ATL1: variants seen among roughly 807,000 people sequenced by gnomAD.
ATL1 encodes atlastin-1.
A neutral mutation model predicts 75.5 loss-of-function variants in ATL1; 31 were observed. That is an observed-to-expected ratio of 0.41 (90% CI 0.31 to 0.55). ATL1 has a LOEUF of 0.55. ATL1 is among the 20% of genes least tolerant of loss of function. The probability of loss-of-function intolerance (pLI) is 0.27; values close to 1 mark genes in which losing one functional copy is unlikely to be tolerated. For missense variants in ATL1, 405 were observed against 662.6 expected (o/e 0.61, Z 4.27); for synonymous variants, 226 against 233.3 (o/e 0.97, Z 0.28).
intron 3 of ATL1, among the ~76,000 whole-genome samples, 165 bp from the exon 4 acceptor site, chr14:50,591,370 C>T (rs553426509): frequency 6.6e-6 from 1 of 152,176 alleles, no homozygotes; most frequent in Non-Finnish European, 1.5e-5. Context: ...TAGTAATCAG[C>T]TGTTAATATT....
intron 6 of ATL1, among the ~76,000 whole-genome samples, chr14:50,604,346 C>T (rs1301257511): frequency 6.6e-6 from 1 of 152,016 alleles, no homozygotes; most frequent in Non-Finnish European, 1.5e-5. Context: ...TTTAATGTGC[C>T]TATCCCCTCT....
chr14:50,546,294 C>A (rs2038630768), intron 1 of ATL1, among the ~76,000 whole-genome samples: 1 of 152,054 alleles, frequency 6.6e-6, no homozygotes, highest in Non-Finnish European at 1.5e-5. Context: ...GATATGGATC[C>A]AGTTATCCTT....
intron 1 of ATL1, among the ~76,000 whole-genome samples, chr14:50,537,222 G>A (rs2356444): frequency 0.99 from 151,420 of 152,354 alleles, 75,257 homozygotes; most frequent in Middle Eastern, 1. Flanking sequence ...AGCTGGGGCC[G>A]TGGCTTCAGA....
chr14:50,588,160 T>A (rs2039120853), intron 2 of ATL1, 82 bp downstream of exon 2: 4 of 1,541,482 alleles, frequency 2.6e-6, no homozygotes, highest in Admixed American at 1.7e-5. Flanking sequence ...GTTCAAAATT[T>A]TCATTTCTAT....
At chr14:50,585,363 T>C (rs2039092112) in intron 1 of ATL1, among the ~76,000 whole-genome samples, 2 of 152,218 alleles carry the variant, frequency 1.3e-5, no homozygotes, top group African/African-American at 4.8e-5. Flanking sequence ...GATCTAGTTT[T>C]CTGCCCCAAA....
Position 50,632,407 on chromosome 14 carries a change from C to A in ATL1, c.*68C>A, listed in dbSNP as rs1566737284. The stretch of plus-strand genomic sequence containing the variant: ...AAATATTCAGTTTTATGTCTCCATG[C>A]AAACATTCAAAGTGCTTCCATCAGA... On this transcript the variant is annotated 3_prime_UTR_variant, in exon 14 of 14. Coordinates refer to ENST00000358385, the MANE Select transcript of ATL1 (RefSeq NM_015915.5). 9.3e-7 allele frequency: 1 copy of A among 1,078,562 alleles called. No homozygotes were observed. The highest frequency in any genetic ancestry group is 1.4e-6 in the Non-Finnish European group (1 of 711,618). The allele number at this position is 1,078,562 out of a possible 1,614,324, so 66.8% of individuals were successfully genotyped here. A position where few individuals can be genotyped will look rare whatever the true frequency, so the allele number is the denominator to read the frequency against.
chr14:50,566,172 A>G (rs558937802), intron 1 of ATL1, among the ~76,000 whole-genome samples: 27 of 152,040 alleles, frequency 1.8e-4, no homozygotes, highest in African/African-American at 6.5e-4. Context: ...TAATTTTTGT[A>G]TTTTTAGTAG....
chr14:50,562,592 G>T (rs1209814527), intron 1 of ATL1, among the ~76,000 whole-genome samples: 1 of 152,110 alleles, frequency 6.6e-6, no homozygotes, highest in Non-Finnish European at 1.5e-5. Flanking sequence ...ATTTACATTT[G>T]ATAGAAACAT....
At chr14:50,610,891 A>T (rs745944348) in intron 6 of ATL1, among the ~76,000 whole-genome samples, 9 of 151,682 alleles carry the variant, frequency 5.9e-5, no homozygotes, top group Non-Finnish European at 1.2e-4. Flanking sequence ...TAGCAATAGA[A>T]CTCCTCTCTC....
chr14:50,605,993 T>C (rs1268207752), intron 6 of ATL1, among the ~76,000 whole-genome samples: 1 of 152,166 alleles, frequency 6.6e-6, no homozygotes, highest in East Asian at 1.9e-4. Flanking sequence ...TGTGAAAATT[T>C]CCGAGGAAAA....
chr14:50,614,582 CTTATGG>C, intron 8 of ATL1, 71 bp downstream of exon 8: 1 of 1,510,820 alleles, frequency 6.6e-7, no homozygotes, highest in African/African-American at 1.4e-5. Context: ...ATCTATTGGG[CTTATGG>C]CTGATAGTTT....
intron 1 of ATL1, among the ~76,000 whole-genome samples, chr14:50,574,025 C>A (rs187534609): frequency 6.6e-6 from 1 of 152,254 alleles, no homozygotes; most frequent in African/African-American, 2.4e-5. Context: ...AGGAGACTGA[C>A]TGATAACCGT....
chr14:50,567,017 C>T (rs76670250), intron 1 of ATL1, among the ~76,000 whole-genome samples: 2,160 of 152,112 alleles, frequency 0.014, 41 homozygotes, highest in African/African-American at 0.049. Context: ...TGTACAGTTC[C>T]GTGATACTAG....
rs1169502563 is a variant in ATL1, at chr14:50,614,488, C to T, written c.839C>T (p.Pro280Leu). Residue 280 changes from proline to leucine, a missense_variant, in exon 8 of 14, where the codon CCA becomes CTA. Pro to Leu is a moderately conservative substitution (Grantham distance 98). Coordinates refer to ENST00000358385, the MANE Select transcript of ATL1 (RefSeq NM_015915.5). ...CCTGGCTTAAAAGTAGCTACCAATC[C>T]AAACTTTGATGGAAAATTGAAAGGT... ...PHPGLKVATN[P>L]NFDGKLKEID... 6.2e-7 allele frequency: 1 copy of T among 1,613,888 alleles called. No homozygotes were observed. The highest frequency in any genetic ancestry group is 8.5e-7 in the Non-Finnish European group (1 of 1,179,904).
intron 8 of ATL1, among the ~76,000 whole-genome samples, chr14:50,617,789 C>T (rs2039429063): frequency 6.6e-6 from 1 of 152,158 alleles, no homozygotes; most frequent in Non-Finnish European, 1.5e-5. Context: ...TATTAATGCC[C>T]CTCGGCAAAT....
chr14:50,620,506 A>C, intron 8 of ATL1, 93 bp from the exon 9 acceptor site: 2 of 1,333,926 alleles, frequency 1.5e-6, no homozygotes, highest in Non-Finnish European at 2.1e-6. Context: ...ATCACTGGGG[A>C]GGAAATGGGG....
At chr14:50,565,313 C>T (rs994105316) in intron 1 of ATL1, among the ~76,000 whole-genome samples, 1 of 150,852 alleles carries the variant, frequency 6.6e-6, no homozygotes, top group East Asian at 1.9e-4. Flanking sequence ...AAATAAAAAA[C>T]AAACAAAAAA....
intron 1 of ATL1, among the ~76,000 whole-genome samples, chr14:50,580,394 GT>G (rs1345192697): frequency 6.6e-6 from 1 of 151,902 alleles, no homozygotes; most frequent in East Asian, 1.9e-4. Context: ...TTGCTGTGAG[GT>G]TTTTTTGGTT....
intron 6 of ATL1, among the ~76,000 whole-genome samples, chr14:50,608,577 C>T (rs1398596677): frequency 6.6e-6 from 1 of 151,968 alleles, no homozygotes; most frequent in African/African-American, 2.4e-5. Context: ...TTCATGATTA[C>T]TTTACATATT....
Sources: gnomAD v4.1 joint callset for allele counts (sites outside exome capture counted in the v4.1 genomes callset) on GRCh38, gnomAD v4.1.1 for gene constraint, MANE v1.5 for transcripts, NCBI Gene and HGNC (gene_info 2026-07-23, HGNC 2026-07-21) for gene names.